PDCD2L: variants seen among roughly 807,000 people sequenced by gnomAD.
The protein encoded by PDCD2L is uS5 assembly chaperone PDCD2L.
In PDCD2L, 44 loss-of-function variants were observed where a neutral mutation model predicts 40.4. The ratio of observed to expected loss-of-function variants is 1.09; its 90% CI spans 0.86 to 1.40. The LOEUF is 1.40. Ranked by LOEUF, PDCD2L falls within the 40% of genes most tolerant of loss-of-function variation. PDCD2L has a pLI of 0.00. For missense variants in PDCD2L, 470 were observed against 453.7 expected, an observed-to-expected ratio of 1.04 and a Z score of -0.33; for synonymous variants, 194 against 174.6, an observed-to-expected ratio of 1.11 and a Z score of -0.88.
chr19:34,424,401 G>C (rs1160352316), intron 6 of PDCD2L, among the ~76,000 whole-genome samples: 1 of 152,112 alleles, frequency 6.6e-6, no homozygotes, highest in Non-Finnish European at 1.5e-5. Flanking sequence ...AGAGACCGAA[G>C]CAAATTTTAG....
chr19:34,407,189 C>T (rs932460522), intron 3 of PDCD2L, among the ~76,000 whole-genome samples: 2 of 149,056 alleles, frequency 1.3e-5, no homozygotes, highest in East Asian at 2.0e-4. Context: ...GTTGCCAGGC[C>T]GGAGTGCAGT....
chr19:34,423,640 G>A (rs1182322319), intron 6 of PDCD2L, among the ~76,000 whole-genome samples: 5 of 151,558 alleles, frequency 3.3e-5, no homozygotes, highest in Admixed American at 1.3e-4. Context: ...GATTACAGGC[G>A]CCCACCACCA....
intron 5 of PDCD2L, among the ~76,000 whole-genome samples, chr19:34,420,105 C>G (rs11673335): frequency 0.66 from 100,641 of 151,808 alleles, 36,658 homozygotes; most frequent in Non-Finnish European, 0.82. Flanking sequence ...CAGCCGCGGC[C>G]TCAGCCTCCC....
In PDCD2L at chr19:34,409,373, G is replaced by A. The variant is rs61740310; in HGVS notation, c.549G>A (p.Pro183=). The A allele has an allele frequency of 1.1e-3, 1,808 of 1,614,114 alleles. 15 individuals are homozygous for A. The African/African-American group carries it at 0.021, about 19-fold the overall frequency. ...GAAHPVPPGL[P]LFLPYYICVA... is the part of the protein sequence containing the mutation. Reference sequence around the variant, plus strand: ...CCCATCCTGTGCCTCCTGGGCTGCCGCTCTTCCTGCCCTACTACATCTGTG... The same window carrying A: ...CCCATCCTGTGCCTCCTGGGCTGCCACTCTTCCTGCCCTACTACATCTGTG... Residue 183 remains proline, a synonymous_variant, in exon 4 of 7, where the codon CCG becomes CCA. Transcript: ENST00000246535.
intron 3 of PDCD2L, among the ~76,000 whole-genome samples, chr19:34,406,869 G>A (rs34998417): frequency 0.29 from 29,117 of 99,280 alleles, 4,074 homozygotes; most frequent in African/African-American, 0.49. Context: ...TTTCGCTCTT[G>A]TTGCCCATGC....
intron 6 of PDCD2L, 47 bp from the exon 7 acceptor site, chr19:34,425,943 T>A (rs769147394): frequency 6.3e-7 from 1 of 1,583,908 alleles, no homozygotes; most frequent in Non-Finnish European, 8.6e-7. Flanking sequence ...GTAACATCAG[T>A]CTCATAACTC....
intron 5 of PDCD2L, among the ~76,000 whole-genome samples, chr19:34,414,443 C>G (rs150174744): frequency 8.2e-6 from 1 of 122,140 alleles, no homozygotes; most frequent in South Asian, 2.7e-4. Context: ...TCCCAAAGTT[C>G]TGAGATACAA....
intron 5 of PDCD2L, among the ~76,000 whole-genome samples, chr19:34,416,911 C>T (rs895418129): frequency 2.0e-5 from 3 of 152,024 alleles, no homozygotes; most frequent in South Asian, 2.1e-4. Flanking sequence ...GTCAGTAGAT[C>T]GAGACCATTC....
chr19:34,407,503 A>G (rs1269098479), intron 3 of PDCD2L, among the ~76,000 whole-genome samples: 1 of 152,186 alleles, frequency 6.6e-6, no homozygotes, highest in Non-Finnish European at 1.5e-5. Context: ...GATTCCACAT[A>G]TAAGTGAATA....
chr19:34,421,733 C>G (rs932013201), intron 6 of PDCD2L, 66 bp downstream of exon 6: 4 of 1,489,704 alleles, frequency 2.7e-6, no homozygotes, highest in Admixed American at 4.4e-5. Context: ...AATGAAAAAC[C>G]TTTTGTTTAC....
chr19:34,410,762 TTTTA>T (rs1555724388), intron 4 of PDCD2L, among the ~76,000 whole-genome samples: 7 of 146,248 alleles, frequency 4.8e-5, no homozygotes, highest in African/African-American at 1.5e-4. Flanking sequence ...ACTTTTTATT[TTTTA>T]TTTATTTATT....
intron 3 of PDCD2L, 95 bp from the exon 4 acceptor site, chr19:34,409,066 C>A (rs769479337): frequency 9.0e-7 from 1 of 1,106,536 alleles, no homozygotes. Flanking sequence ...TGTGAAGGCT[C>A]CCTCTGGAAG....
At chr19:34,407,753 A>G (rs2075083561) in intron 3 of PDCD2L, among the ~76,000 whole-genome samples, 1 of 152,322 alleles carries the variant, frequency 6.6e-6, no homozygotes, top group Non-Finnish European at 1.5e-5. Flanking sequence ...GTGATAATGT[A>G]TACGTGTCTT....
chr19:34,404,607 C>G (rs373434913), intron 1 of PDCD2L, 42 bp from the exon 2 acceptor site: 1 of 1,599,308 alleles, frequency 6.3e-7, no homozygotes, highest in Non-Finnish European at 8.5e-7. Flanking sequence ...GGGCGAGGTC[C>G]TGGGGGGAGT....
intron 5 of PDCD2L, among the ~76,000 whole-genome samples, chr19:34,421,132 C>T (rs1301441852): frequency 6.6e-6 from 1 of 152,150 alleles, no homozygotes; most frequent in Non-Finnish European, 1.5e-5. Context: ...GGCCCTATTC[C>T]TAATAGGCTA....
chr19:34,417,698 G>C (rs1190573168), intron 5 of PDCD2L, among the ~76,000 whole-genome samples: 1 of 152,146 alleles, frequency 6.6e-6, no homozygotes, highest in Non-Finnish European at 1.5e-5. Context: ...AGCTAATCCA[G>C]TGAATGCAGA....
At chr19:34,405,466 G>GA (rs1555723956) in intron 3 of PDCD2L, among the ~76,000 whole-genome samples, 15 of 148,158 alleles carry the variant, frequency 1.0e-4, no homozygotes, top group Non-Finnish European at 2.2e-4. Context: ...TTTTGTGAGA[G>GA]TTTTTTTTTT....
At chr19:34,425,191 T>C (rs1212830008) in intron 6 of PDCD2L, among the ~76,000 whole-genome samples, 2 of 152,150 alleles carry the variant, frequency 1.3e-5, no homozygotes, top group Admixed American at 6.6e-5. Flanking sequence ...TTTTAATGGC[T>C]TTATTCATTG....
At chr19:34,420,499 T>G (rs1467444106) in intron 5 of PDCD2L, among the ~76,000 whole-genome samples, 1 of 152,028 alleles carries the variant, frequency 6.6e-6, no homozygotes, top group African/African-American at 2.4e-5. Flanking sequence ...ACAGTAATAT[T>G]GAAGTGAGCT....
Sources: gnomAD v4.1 joint callset for allele counts (sites outside exome capture counted in the v4.1 genomes callset) on GRCh38, gnomAD v4.1.1 for gene constraint, MANE v1.5 for transcripts, NCBI Gene and HGNC (gene_info 2026-07-23, HGNC 2026-07-21) for gene names.